The following ASZ1 variants were observed in gnomAD, a reference collection of about 807,000 sequenced individuals.
ASZ1 encodes ankyrin repeat, SAM and basic leucine zipper domain-containing protein 1.
In ASZ1, 67 loss-of-function variants were observed where a neutral mutation model predicts 61.8. The observed-to-expected ratio is 1.08, with a 90% CI of 0.89 to 1.33. ASZ1 has a LOEUF of 1.33. Ranked by LOEUF, ASZ1 falls within the 40% of genes most tolerant of loss-of-function variation. The pLI is 0.00. For synonymous variants in ASZ1, 193 were observed against 192.7 expected, an observed-to-expected ratio of 1.00 and a Z score of -0.01; for missense variants, 577 against 554.5, an observed-to-expected ratio of 1.04 and a Z score of -0.41.
At chr7:117,391,640 A>G (rs1050049405) in intron 4 of ASZ1, among the ~76,000 whole-genome samples, 4 of 151,964 alleles carry the variant, frequency 2.6e-5, no homozygotes, top group African/African-American at 9.7e-5. Flanking sequence ...ATTCTGTTCC[A>G]TTGGGCTACA....
chr7:117,389,416 T>C (rs953035459), intron 4 of ASZ1, among the ~76,000 whole-genome samples: 14 of 152,324 alleles, frequency 9.2e-5, no homozygotes, highest in African/African-American at 3.1e-4. Flanking sequence ...TTTCCTTTCT[T>C]GTTTTCAGCT....
rs146373207 is a variant in ASZ1, at chr7:117,380,100, A to T, written c.946-53T>A. The T allele has an allele frequency of 1.5e-3, 1,822 of 1,176,698 alleles. 30 individuals are homozygous for T. The Admixed American group carries it at 0.026, about 17-fold the overall frequency. The allele number at this position is 1,176,698 out of a possible 1,614,324, so 72.9% of individuals were successfully genotyped here. A position where few individuals can be genotyped will look rare whatever the true frequency, so the allele number is the denominator to read the frequency against. ...TAAGTTAGTTATACTTGAGTAATTTAAAACTCAAAATTGCTAAAGATGTTT... is the reference window on the plus strand; with the variant it reads ...TAAGTTAGTTATACTTGAGTAATTTTAAACTCAAAATTGCTAAAGATGTTT... On this transcript the variant is annotated intron_variant, in intron 9 of 12. Coordinates refer to ENST00000284629, the MANE Select transcript of ASZ1 (RefSeq NM_130768.3).
chr7:117,368,561 A>G, intron 11 of ASZ1, 51 bp downstream of exon 11: 1 of 1,583,120 alleles, frequency 6.3e-7, no homozygotes, highest in Non-Finnish European at 8.6e-7. Context: ...CTTATCTGGA[A>G]TGTTCTTCAG....
At chr7:117,420,545 T>C (rs941169774) in intron 3 of ASZ1, among the ~76,000 whole-genome samples, 3 of 152,246 alleles carry the variant, frequency 2.0e-5, no homozygotes, top group Non-Finnish European at 4.4e-5. Context: ...GTTAAGGACA[T>C]GGACACAGCC....
intron 9 of ASZ1, 57 bp from the exon 10 acceptor site, chr7:117,380,104 C>G (rs1284880779): frequency 8.2e-6 from 9 of 1,096,482 alleles, no homozygotes; most frequent in Admixed American, 6.6e-5. Flanking sequence ...TAATTTAAAA[C>G]TCAAAATTGC....
rs747806185 is a variant in ASZ1, at chr7:117,363,330, T to C, written c.*266A>G. 46 of 220,132 alleles carry C rather than the reference T, an allele frequency of 2.1e-4. No individual in the cohort carries two copies. Among genetic ancestry groups the C allele is most frequent in the Non-Finnish European group, 3.6e-4 (41 of 113,596 alleles). The allele number at this position is 220,132 out of a possible 1,614,324, so 13.6% of individuals were successfully genotyped here. Reference sequence around the variant, plus strand: ...ATGTCAAAGATATTAGATATAACTTTAATTTTGAATGTGATTTAGATACGA... The same window carrying C: ...ATGTCAAAGATATTAGATATAACTTCAATTTTGAATGTGATTTAGATACGA... On this transcript the variant is annotated 3_prime_UTR_variant, in exon 13 of 13. Coordinates refer to ENST00000284629, the MANE Select transcript of ASZ1 (RefSeq NM_130768.3).
intron 10 of ASZ1, among the ~76,000 whole-genome samples, chr7:117,369,631 T>C (rs556743533): frequency 2.0e-5 from 3 of 152,256 alleles, no homozygotes; most frequent in East Asian, 3.9e-4. Flanking sequence ...GGTAGAGCAA[T>C]GACTTGAGAA....
At chr7:117,413,136 A>G (rs1343801074) in intron 4 of ASZ1, among the ~76,000 whole-genome samples, 1 of 151,982 alleles carries the variant, frequency 6.6e-6, no homozygotes, top group African/African-American at 2.4e-5. Flanking sequence ...TAATACAAAC[A>G]TATGTTTTGC....
chr7:117,365,800 G>A (rs1440777908), intron 12 of ASZ1, among the ~76,000 whole-genome samples: 1 of 152,202 alleles, frequency 6.6e-6, no homozygotes, highest in Non-Finnish European at 1.5e-5. Context: ...TTTGTTGAAT[G>A]AATAAATGTC....
At chr7:117,425,098 A>T (rs902658126) in intron 2 of ASZ1, among the ~76,000 whole-genome samples, 16 of 152,234 alleles carry the variant, frequency 1.1e-4, no homozygotes, top group African/African-American at 1.2e-4. Context: ...TTTACTTTTC[A>T]GTAAACTATG....
At chr7:117,417,893 C>T (rs1258797154) in intron 4 of ASZ1, among the ~76,000 whole-genome samples, 2 of 152,178 alleles carry the variant, frequency 1.3e-5, no homozygotes, top group African/African-American at 2.4e-5. Context: ...TTCATCTGCT[C>T]ATTTAGGATT....
chr7:117,371,528 A>G (rs1199844737), intron 10 of ASZ1, among the ~76,000 whole-genome samples: 1 of 152,182 alleles, frequency 6.6e-6, no homozygotes, highest in Non-Finnish European at 1.5e-5. Flanking sequence ...CCATTTTCAA[A>G]AAAGATGTAA....
Position 117,363,450 on chromosome 7 carries a change from T to TAAAAA in ASZ1, c.*141_*145dup. The TAAAAA allele has an allele frequency of 1.7e-6, 1 of 582,338 alleles. No homozygotes were observed. Among genetic ancestry groups the TAAAAA allele is most frequent in the East Asian group, 3.6e-5 (1 of 27,796 alleles). The allele number at this position is 582,338 out of a possible 1,614,324, so 36.1% of individuals were successfully genotyped here. A position where few individuals can be genotyped will look rare whatever the true frequency, so the allele number is the denominator to read the frequency against. Reference sequence around the variant, plus strand: ...TAAGTCAAAGTAACAAACCACTTTTTAAAAAAAAACTCCACATTGTCAAAA... The same window carrying TAAAAA: ...TAAGTCAAAGTAACAAACCACTTTTTAAAAAAAAAAAAAACTCCACATTGTCAAAA... On this transcript the variant is annotated 3_prime_UTR_variant, in exon 13 of 13. Coordinates refer to ENST00000284629, the MANE Select transcript of ASZ1 (RefSeq NM_130768.3).
chr7:117,387,254 G>A (rs1432590371), intron 4 of ASZ1, among the ~76,000 whole-genome samples: 5 of 151,686 alleles, frequency 3.3e-5, no homozygotes. Flanking sequence ...GCTTCAGTGA[G>A]CCGAGATTGT....
intron 5 of ASZ1, among the ~76,000 whole-genome samples, chr7:117,385,397 T>C (rs1318124526): frequency 3.3e-5 from 5 of 151,926 alleles, no homozygotes; most frequent in African/African-American, 1.2e-4. Flanking sequence ...GTAGCTGGGA[T>C]TAAAGGCACG....
intron 4 of ASZ1, among the ~76,000 whole-genome samples, chr7:117,408,083 G>A (rs1796823495): frequency 6.6e-6 from 1 of 152,072 alleles, no homozygotes; most frequent in South Asian, 2.1e-4. Flanking sequence ...TTTTATGAAG[G>A]AATGGTTAAA....
intron 4 of ASZ1, among the ~76,000 whole-genome samples, chr7:117,402,233 T>C (rs1029732311): frequency 7.2e-5 from 11 of 152,188 alleles, no homozygotes; most frequent in African/African-American, 1.9e-4. Context: ...TAAGGAACTA[T>C]TGATGTGCTC....
At chr7:117,410,093 T>C (rs2116517059) in intron 4 of ASZ1, among the ~76,000 whole-genome samples, 1 of 151,904 alleles carries the variant, frequency 6.6e-6, no homozygotes, top group Middle Eastern at 3.4e-3. Flanking sequence ...TAATTATTAA[T>C]AGGTACTCCT....
At chr7:117,366,289 T>C (rs1225081598) in intron 12 of ASZ1, among the ~76,000 whole-genome samples, 2 of 152,104 alleles carry the variant, frequency 1.3e-5, no homozygotes, top group African/African-American at 2.4e-5. Flanking sequence ...AAGACTCCTT[T>C]TGATTTAACA....
Sources: gnomAD v4.1 joint callset for allele counts (sites outside exome capture counted in the v4.1 genomes callset) on GRCh38, gnomAD v4.1.1 for gene constraint, MANE v1.5 for transcripts, NCBI Gene and HGNC (gene_info 2026-07-23, HGNC 2026-07-21) for gene names.